The following PRTFDC1 variants were observed in gnomAD, a reference collection of about 807,000 sequenced individuals.
PRTFDC1 encodes phosphoribosyltransferase domain-containing protein 1.
PRTFDC1 carries 38 observed loss-of-function variants against 34.6 expected under a neutral mutation model. The ratio of observed to expected loss-of-function variants is 1.10; its 90% CI spans 0.85 to 1.44. The LOEUF (loss-of-function observed/expected upper bound fraction) is 1.44. Ranked by LOEUF, PRTFDC1 falls within the 40% of genes most tolerant of loss-of-function variation. The probability of loss-of-function intolerance (pLI) is 0.00; values close to 1 mark genes in which losing one functional copy is unlikely to be tolerated. For missense variants in PRTFDC1, 270 were observed against 283.0 expected (o/e 0.95, Z 0.33); for synonymous variants, 93 against 98.1 (o/e 0.95, Z 0.31).
chr10:24,908,365 C>A, intron 3 of PRTFDC1: 1 of 1,169,628 alleles, frequency 8.5e-7, no homozygotes, highest in Non-Finnish European at 1.2e-6. Context: ...TTTTCATAAC[C>A]TCAAGCAAGA....
At chr10:24,942,475 C>T (rs760713795) in intron 1 of PRTFDC1, 39 bp from the exon 2 acceptor site, 3 of 1,516,860 alleles carry the variant, frequency 2.0e-6, no homozygotes, top group Non-Finnish European at 2.7e-6. Flanking sequence ...ATTTTTTCAT[C>T]AGAAATTTGT....
chr10:24,862,947 G>A (rs1354508413), intron 4 of PRTFDC1, among the ~76,000 whole-genome samples: 8 of 151,904 alleles, frequency 5.3e-5, no homozygotes, highest in East Asian at 1.9e-4. Flanking sequence ...GCACAATCTC[G>A]GCTCACAGCA....
intron 3 of PRTFDC1, among the ~76,000 whole-genome samples, chr10:24,888,770 G>A (rs1019559173): frequency 1.4e-4 from 22 of 152,248 alleles, no homozygotes; most frequent in Admixed American, 9.8e-4. Context: ...AAGCCATAAA[G>A]TAACATAATA....
chr10:24,937,376 A>C lies in PRTFDC1; in HGVS notation c.156-9T>G. 2 of 1,602,144 alleles carry C rather than the reference A, an allele frequency of 1.2e-6. No homozygotes were observed. The highest frequency in any genetic ancestry group is 1.7e-6 in the Non-Finnish European group (2 of 1,175,180). On this transcript the variant is annotated splice_polypyrimidine_tract_variant and intron_variant, in intron 2 of 8. Transcript: ENST00000320152. ...TGGCCAGCCGCTCAATTCTGAAAGA[A>C]GGATAAAAGATATATTAAGGCACAA...
intron 3 of PRTFDC1, among the ~76,000 whole-genome samples, chr10:24,902,962 C>T (rs1321839755): frequency 2.6e-5 from 4 of 152,152 alleles, no homozygotes; most frequent in Admixed American, 2.0e-4. Flanking sequence ...TTTGGGAGGC[C>T]AAGGCGGGTG....
chr10:24,856,874 G>A, intron 6 of PRTFDC1, 39 bp downstream of exon 6: 1 of 1,543,788 alleles, frequency 6.5e-7, no homozygotes, highest in Non-Finnish European at 9.0e-7. Flanking sequence ...GGCTTGCTTG[G>A]AAAACTAGAA....
intron 3 of PRTFDC1, among the ~76,000 whole-genome samples, chr10:24,912,268 CAAAAAAA>C (rs58294462): frequency 7.4e-5 from 4 of 53,940 alleles, no homozygotes; most frequent in East Asian, 1.0e-3. Flanking sequence ...GACTTCATCT[CAAAAAAA>C]AAAAAAAAAA....
intron 3 of PRTFDC1, among the ~76,000 whole-genome samples, chr10:24,903,708 T>C (rs912598672): frequency 4.9e-5 from 7 of 142,032 alleles, no homozygotes; most frequent in Non-Finnish European, 9.3e-5. Flanking sequence ...AGTTGTATTC[T>C]TTTTTTTTTT....
chr10:24,912,360 A>G (rs1312562957), intron 3 of PRTFDC1, among the ~76,000 whole-genome samples: 2 of 145,074 alleles, frequency 1.4e-5, no homozygotes, highest in East Asian at 2.1e-4. Context: ...CATTCCCATC[A>G]GCAGTGTAGG....
intron 3 of PRTFDC1, among the ~76,000 whole-genome samples, chr10:24,880,029 T>A (rs1036540881): frequency 8.5e-5 from 13 of 152,168 alleles, no homozygotes; most frequent in Admixed American, 3.3e-4. Flanking sequence ...AGCTCCACTT[T>A]TTGTGCACTG....
intron 3 of PRTFDC1, among the ~76,000 whole-genome samples, chr10:24,877,412 G>A (rs1004346453): frequency 7.2e-5 from 11 of 152,098 alleles, no homozygotes; most frequent in African/African-American, 1.4e-4. Context: ...AATGAACGTC[G>A]CTGGTTTGAA....
chr10:24,937,118 A>C, intron 3 of PRTFDC1, 66 bp downstream of exon 3: 1 of 1,369,592 alleles, frequency 7.3e-7, no homozygotes, highest in Non-Finnish European at 9.9e-7. Flanking sequence ...TCATAACATT[A>C]TTGATTCTTT....
At chr10:24,865,642 G>A (rs1847761677) in intron 4 of PRTFDC1, among the ~76,000 whole-genome samples, 1 of 152,130 alleles carries the variant, frequency 6.6e-6, no homozygotes. Context: ...GAAAAAGAAA[G>A]GAAGAAAGAA....
intron 3 of PRTFDC1, among the ~76,000 whole-genome samples, chr10:24,898,054 G>A (rs1848396073): frequency 6.6e-6 from 1 of 152,142 alleles, no homozygotes; most frequent in Non-Finnish European, 1.5e-5. Context: ...CAGTGATCTT[G>A]TAAAGTACTT....
At chr10:24,906,795 G>A (rs1588606760) in intron 3 of PRTFDC1, among the ~76,000 whole-genome samples, 1 of 152,182 alleles carries the variant, frequency 6.6e-6, no homozygotes, top group Non-Finnish European at 1.5e-5. Context: ...TGGCTTGAGG[G>A]CTCTGAGCTA....
At chr10:24,885,856 T>C (rs144658555) in intron 3 of PRTFDC1, among the ~76,000 whole-genome samples, 1,883 of 152,304 alleles carry the variant, frequency 0.012, 13 homozygotes, top group Middle Eastern at 0.034. Context: ...GAAGAAAACT[T>C]AAATGCATAT....
chr10:24,904,261 T>TAC (rs10585982), intron 3 of PRTFDC1, among the ~76,000 whole-genome samples: 1,855 of 148,260 alleles, frequency 0.013, 22 homozygotes, highest in African/African-American at 0.03. Flanking sequence ...TAAAATGTAA[T>TAC]ACACACACAC....
chr10:24,927,020 G>A (rs1217832791), intron 3 of PRTFDC1, among the ~76,000 whole-genome samples: 1 of 152,146 alleles, frequency 6.6e-6, no homozygotes, highest in African/African-American at 2.4e-5. Context: ...AAGGCTGTAA[G>A]GAGTGATAAC....
intron 3 of PRTFDC1, among the ~76,000 whole-genome samples, chr10:24,903,864 T>A (rs1242388853): frequency 6.6e-6 from 1 of 151,344 alleles, no homozygotes; most frequent in Non-Finnish European, 1.5e-5. Flanking sequence ...ATTATTATTA[T>A]TAATTTATAG....
Sources: gnomAD v4.1 joint callset for allele counts (sites outside exome capture counted in the v4.1 genomes callset) on GRCh38, gnomAD v4.1.1 for gene constraint, MANE v1.5 for transcripts, NCBI Gene and HGNC (gene_info 2026-07-23, HGNC 2026-07-21) for gene names.